The following FLG variants were observed in gnomAD, a reference collection of about 807,000 sequenced individuals.
FLG encodes filaggrin, also known as epidermal filaggrin.
In FLG, 6 loss-of-function variants were observed where a neutral mutation model predicts 3.8. That is an observed-to-expected ratio of 1.60 (90% confidence interval 0.87 to 3.15). The LOEUF is 3.15. Ranked by LOEUF, FLG falls within the 30% of genes most tolerant of loss-of-function variation. The pLI is 0.00. For missense variants in FLG, 7,595 were observed against 5,050.9 expected (o/e 1.50, Z -15.27); for synonymous variants, 2,551 against 1,931.6 (o/e 1.32, Z -8.41).
chr1:152,308,561 G>T lies in FLG; in HGVS notation c.6325C>A (p.Pro2109Thr), dbSNP rs538619112. Residue 2109 changes from proline to threonine, a missense_variant, in exon 3 of 3, where the codon CCC becomes ACC. By Grantham distance (38) the Pro-to-Thr change is conservative (BLOSUM62 -1). Coordinates refer to ENST00000368799, the MANE Select transcript of FLG (RefSeq NM_002016.2). ...QSESTHGQSA[P>T]STGGRQGSHY... ...GATCCTTGTCTTCCTCCAGTGCTGG[G>T]CGCAGACTGTCCATGGGTGGACTCA... 1.2e-6 allele frequency: 2 copies of T among 1,614,024 alleles called. No individual in the cohort carries two copies. Among genetic ancestry groups the T allele is most frequent in the Non-Finnish European group, 1.7e-6 (2 of 1,179,960 alleles).
At position 152,307,288 on chromosome 1, in the gene FLG, C is replaced by G; in HGVS notation, c.7598G>C (p.Arg2533Pro). The G allele has an allele frequency of 6.2e-7, 1 of 1,612,986 alleles. No individual in the cohort carries two copies. Among genetic ancestry groups the G allele is most frequent in the Non-Finnish European group, 8.5e-7 (1 of 1,179,866 alleles). Residue 2533 changes from arginine to proline, a missense_variant, in exon 3 of 3, where the codon CGT (arginine) becomes CCT (proline). Transcript: ENST00000368799. Reference protein sequence around the residue: ...SGDGSRHSGSRHHEASSRADS... With the variant: ...SGDGSRHSGSPHHEASSRADS... ...GGCCCGAGAGGAAGCTTCATGGTGA[C>G]GCGACCCTGAGTGCCTGGAGCCGTC...
chr1:152,304,145 G>T lies in FLG; in HGVS notation c.10741C>A (p.His3581Asn), dbSNP rs765491833. 6.2e-7 allele frequency: 1 copy of T among 1,601,072 alleles called. No individual in the cohort carries two copies. The highest frequency in any genetic ancestry group is 1.7e-5 in the Admixed American group (1 of 57,818). ...SRDGSRHPTS[H>N]HEDRAGHGHS... is the part of the protein sequence containing the mutation. ...CCGTGACCGGCTCTGTCTTCGTGATGGGACGTGGGGTGTCTGGAGCCATCT... is the reference window on the plus strand; with the variant it reads ...CCGTGACCGGCTCTGTCTTCGTGATTGGACGTGGGGTGTCTGGAGCCATCT... Residue 3581 changes from histidine to asparagine, a missense_variant, in exon 3 of 3, where the codon CAT becomes AAT. Physicochemically the swap from His to Asn is moderately conservative, Grantham distance 68. Coordinates refer to ENST00000368799, the MANE Select transcript of FLG (RefSeq NM_002016.2).
In FLG at chr1:152,314,423, T is replaced by C; in HGVS notation, c.463A>G (p.Ser155Gly). The change falls in exon 3 of 3, where the codon AGT (serine) becomes GGT (glycine). Residue 155 changes from serine to glycine, a missense_variant. Physicochemically the swap from Ser to Gly is moderately conservative, Grantham distance 56 (BLOSUM62 0). Coordinates refer to ENST00000368799, the MANE Select transcript of FLG (RefSeq NM_002016.2). ...RETGGKRHES[S>G]SEKKERKGYS... is the part of the protein sequence containing the mutation. ...CCTTTTCTTTCTTTTTTTTCAGAAC[T>C]AGATTCATGCCTTTTCCCCCCTGTT... is the stretch of plus-strand genomic sequence containing the variant. 1 of 1,613,624 alleles carries C rather than the reference T, an allele frequency of 6.2e-7. No homozygotes were observed. The highest frequency in any genetic ancestry group is 8.5e-7 in the Non-Finnish European group (1 of 1,179,888).
chr1:152,303,058 C>A lies in FLG; in HGVS notation c.11828G>T (p.Gly3943Val), dbSNP rs1193665636. Residue 3943 changes from glycine (G) to valine (V), a missense_variant, in exon 3 of 3, where the codon GGA (glycine) becomes GTA (valine). By Grantham distance (109) the Gly-to-Val change is moderately radical. Transcript: ENST00000368799. ...GTGAGGACTGCCACGTGACTGTATT[C>A]CTGAGTGATACGCAGAATCTTGTGA... Reference protein sequence around the residue: ...SLSQDSAYHSGIQSRGSPHSS... With the variant: ...SLSQDSAYHSVIQSRGSPHSS... 6.2e-7 allele frequency: 1 copy of A among 1,614,136 alleles called. No homozygotes were observed.
At position 152,312,213 on chromosome 1, in the gene FLG, A is replaced by T. The variant is rs1361972285; in HGVS notation, c.2673T>A (p.Ser891Arg). Reference protein sequence around the residue: ...DASRGQSGSRSASRTTRNEEQ... With the variant: ...DASRGQSGSRRASRTTRNEEQ... ...CCTCATTACGTGTTGTTCTGCTTGC[A>T]CTTCTGGATCCTGACTGCCCACGGG... Residue 891 changes from serine (S) to arginine (R), a missense_variant, in exon 3 of 3, where the codon AGT (serine) becomes AGA (arginine). Ser to Arg is a moderately radical substitution (Grantham distance 110). Transcript: ENST00000368799. The T allele has an allele frequency of 6.2e-7, 1 of 1,613,436 alleles. No homozygotes were observed.
chr1:152,309,644 G>A lies in FLG; in HGVS notation c.5242C>T (p.Gln1748Ter). 6.2e-7 allele frequency: 1 copy of A among 1,613,898 alleles called. No homozygotes were observed. The highest frequency in any genetic ancestry group is 8.5e-7 in the Non-Finnish European group (1 of 1,179,946). Residue 1748 changes from glutamine (Q) to a stop codon, truncating the protein, a stop_gained, in exon 3 of 3, where the codon CAA becomes TAA. Transcript: ENST00000368799. LOFTEE classifies it low-confidence loss of function (END_TRUNC). ...CCTGACTGGCCACGTGTGGACTCTT[G>A]GTGGCTCTGCTGATGGGGCCCAGCC... ...GQAGPHQQSH[Q>*]ESTRGQSGER...
In FLG at chr1:152,303,778, C is replaced by T; in HGVS notation, c.11108G>A (p.Arg3703Lys). ...QESTRGRSAGRSGRSGSFLYQ... is the reference protein window; with the variant it reads ...QESTRGRSAGKSGRSGSFLYQ... ...GAGGAAAGACCCTGAACGTCCAGAC[C>T]TTCCTGCTGACCGGCCACGTGTGGA... Residue 3703 changes from arginine (R) to lysine (K), a missense_variant, in exon 3 of 3, where the codon AGG (arginine) becomes AAG (lysine). Physicochemically the swap from Arg to Lys is conservative, Grantham distance 26 (BLOSUM62 2). Coordinates refer to ENST00000368799, the MANE Select transcript of FLG (RefSeq NM_002016.2). 3 of 1,613,582 alleles carry T rather than the reference C, an allele frequency of 1.9e-6. No homozygotes were observed. Among genetic ancestry groups the T allele is most frequent in the Non-Finnish European group, 2.5e-6 (3 of 1,179,912 alleles).
In FLG at chr1:152,306,028, C is replaced by G. The variant is rs749084383; in HGVS notation, c.8858G>C (p.Arg2953Pro). ...TCCACCAGAGGAAGTCTGTGTGTGA[C>G]GAGTGCCTGATTGTCTGGAGCTGTC... ...SADSSRQSGT[R>P]HTQTSSGGQA... The change falls in exon 3 of 3, where the codon CGT becomes CCT. Residue 2953 changes from arginine to proline, a missense_variant. By Grantham distance (103) the Arg-to-Pro change is moderately radical. Coordinates refer to ENST00000368799, the MANE Select transcript of FLG (RefSeq NM_002016.2). 277 of 1,590,060 alleles carry G rather than the reference C, an allele frequency of 1.7e-4. 1 individual carries two copies. The highest frequency in any genetic ancestry group is 2.3e-4 in the Non-Finnish European group (271 of 1,177,300).
rs758136784 is a variant in FLG, at chr1:152,312,776, C to A, written c.2110G>T (p.Ala704Ser). 5.6e-6 allele frequency: 9 copies of A among 1,613,940 alleles called. No individual in the cohort carries two copies. The highest frequency in any genetic ancestry group is 1.1e-5 in the South Asian group (1 of 91,056). The change falls in exon 3 of 3, where the codon GCA (alanine) becomes TCA (serine). Residue 704 changes from alanine (A) to serine (S), a missense_variant. Physicochemically the swap from Ala to Ser is moderately conservative, Grantham distance 99. Coordinates refer to ENST00000368799, the MANE Select transcript of FLG (RefSeq NM_002016.2). Reference sequence around the variant, plus strand: ...TGGCGGGATCCATGTCTTTCTCCTGCACTTGATCTTGCCTGTTCATGGGAT... The same window carrying A: ...TGGCGGGATCCATGTCTTTCTCCTGAACTTGATCTTGCCTGTTCATGGGAT... ...ASSHEQARSS[A>S]GERHGSRHQL...
chr1:152,316,451 GA>G (rs1274251123), intron 1 of FLG, among the ~76,000 whole-genome samples: 1 of 151,678 alleles, frequency 6.6e-6, no homozygotes, highest in Non-Finnish European at 1.5e-5. Flanking sequence ...AAGAAGCATA[GA>G]AAAAGAAGGG....
Position 152,310,813 on chromosome 1 carries a change from C to G in FLG, c.4073G>C (p.Gly1358Ala). The stretch of plus-strand genomic sequence containing the variant: ...GTCTGCTGACTGCTGGTGGCGGGAT[C>G]CATGTCTTTCTCCTGGACTTGATCT... ...QARSSPGERH[G>A]SRHQQSADSS... The change falls in exon 3 of 3, where the codon GGA becomes GCA. Residue 1358 changes from glycine to alanine, a missense_variant. Physicochemically the swap from Gly to Ala is moderately conservative, Grantham distance 60 (BLOSUM62 0). Coordinates refer to ENST00000368799, the MANE Select transcript of FLG (RefSeq NM_002016.2). 1 of 1,611,988 alleles carries G rather than the reference C, an allele frequency of 6.2e-7. No homozygotes were observed. The highest frequency in any genetic ancestry group is 8.5e-7 in the Non-Finnish European group (1 of 1,179,144).
rs1265146348 is a variant in FLG at position 152,311,807 on chromosome 1, A to T, written c.3079T>A (p.Ser1027Thr). 2.5e-5 allele frequency: 40 copies of T among 1,613,666 alleles called. No homozygotes were observed. Among genetic ancestry groups the T allele is most frequent in the Middle Eastern group, 1.6e-4 (1 of 6,084 alleles). Residue 1027 changes from serine (S) to threonine (T), a missense_variant, in exon 3 of 3, where the codon TCA becomes ACA. Ser to Thr is a moderately conservative substitution (Grantham distance 58, BLOSUM62 1). Coordinates refer to ENST00000368799, the MANE Select transcript of FLG (RefSeq NM_002016.2). The part of the protein sequence containing the change: ...QAASSHEQAR[S>T]SPGERHGSRH... ...GATCCGTGTCTTTCTCCTGGACTTGATCTTGCCTGTTCATGGGATGACGCA... is the reference window on the plus strand; with the variant it reads ...GATCCGTGTCTTTCTCCTGGACTTGTTCTTGCCTGTTCATGGGATGACGCA...
At position 152,309,348 on chromosome 1, in the gene FLG, G is replaced by T; in HGVS notation, c.5538C>A (p.Thr1846=). 1 of 1,613,824 alleles carries T rather than the reference G, an allele frequency of 6.2e-7. No individual in the cohort carries two copies. Among genetic ancestry groups the T allele is most frequent in the South Asian group, 1.1e-5 (1 of 91,060 alleles). The part of the protein sequence containing the change: ...SGHSGSHHSH[T]TSQERSDVSR... The stretch of plus-strand genomic sequence containing the variant: ...AGACATCAGACCTTTCCTGGGACGT[G>T]GTGTGGCTGTGATGAGACCCTGAGT... Residue 1846 remains threonine, a synonymous_variant, in exon 3 of 3, where the codon ACC becomes ACA. Transcript: ENST00000368799.
chr1:152,316,027 A>G (rs1486038699), intron 1 of FLG, among the ~76,000 whole-genome samples: 2 of 152,140 alleles, frequency 1.3e-5, no homozygotes, highest in Non-Finnish European at 2.9e-5. Context: ...TAGCTCTTCA[A>G]TATTTAAAGA....
At position 152,315,255 on chromosome 1, in the gene FLG, C is replaced by G. The variant is rs1009568045; in HGVS notation, c.138+64G>C. On this transcript the variant is annotated intron_variant, in intron 2 of 2. Transcript: ENST00000368799. ...TAGTTCACAAAGAGCTCAAAATAAC[C>G]CTTGCTTAGATTATTGATGAGAAAA... 7.5e-6 allele frequency: 11 copies of G among 1,470,322 alleles called. No individual in the cohort carries two copies. In the African/African-American group the frequency reaches 9.9e-5, roughly 13 times the overall value. The allele number at this position is 1,470,322 out of a possible 1,614,324, so 91.1% of individuals were successfully genotyped here.
chr1:152,311,214 T>C lies in FLG; in HGVS notation c.3672A>G (p.Lys1224=). The change falls in exon 3 of 3, where the codon AAA becomes AAG. Residue 1224 remains lysine (K), a synonymous_variant. Transcript: ENST00000368799. ...RSASRQTRKD[K]QSGDGSRHSG... ...AGTGCCTGGAGCCGTCTCCTGATTG[T>C]TTGTCCTTACGAGTTTGTCTGCTTG... 2 of 1,613,066 alleles carry C rather than the reference T, an allele frequency of 1.2e-6. No homozygotes were observed. The highest frequency in any genetic ancestry group is 1.7e-6 in the Non-Finnish European group (2 of 1,179,766).
chr1:152,307,906 C>G lies in FLG; in HGVS notation c.6980G>C (p.Gly2327Ala), dbSNP rs766196720. ...SSHEQARSSA[G>A]ERHGSHHQQS... Reference sequence around the variant, plus strand: ...CTGGTGGTGGGATCCGTGTCTCTCTCCTGCACTTGATCTTGCCTGTTCATG... The same window carrying G: ...CTGGTGGTGGGATCCGTGTCTCTCTGCTGCACTTGATCTTGCCTGTTCATG... The change falls in exon 3 of 3, where the codon GGA (glycine) becomes GCA (alanine). Residue 2327 changes from glycine to alanine, a missense_variant. Gly to Ala is a moderately conservative substitution (Grantham distance 60, BLOSUM62 0). Transcript: ENST00000368799. The G allele has an allele frequency of 1.2e-6, 2 of 1,613,492 alleles. No individual in the cohort carries two copies. The highest frequency in any genetic ancestry group is 2.2e-5 in the South Asian group (2 of 91,002).
In FLG at chr1:152,310,523, G is replaced by T. The variant is rs202237346; in HGVS notation, c.4363C>A (p.His1455Asn). 3 of 1,613,854 alleles carry T rather than the reference G, an allele frequency of 1.9e-6. No individual in the cohort carries two copies. Among genetic ancestry groups the T allele is most frequent in the African/African-American group, 1.3e-5 (1 of 74,966 alleles). The change falls in exon 3 of 3, where the codon CAC becomes AAC. Residue 1455 changes from histidine (H) to asparagine (N), a missense_variant. Transcript: ENST00000368799. The stretch of plus-strand genomic sequence containing the variant: ...CCAGTGCTGGGTGCAGTCTGTCCGT[G>T]TGTGGACTCAGACTGTTCATGAGAG... ...VSSHEQSESTHGQTAPSTGGR... is the reference protein window; with the variant it reads ...VSSHEQSESTNGQTAPSTGGR...
At position 152,313,865 on chromosome 1, in the gene FLG, C is replaced by T. The variant is rs1284414197; in HGVS notation, c.1021G>A (p.Glu341Lys). 1.9e-6 allele frequency: 3 copies of T among 1,613,908 alleles called. No homozygotes were observed. The highest frequency in any genetic ancestry group is 2.5e-6 in the Non-Finnish European group (3 of 1,179,960). Residue 341 changes from glutamate to lysine, a missense_variant, in exon 3 of 3, where the codon GAA becomes AAA. Glu to Lys is a moderately conservative substitution (Grantham distance 56). Coordinates refer to ENST00000368799, the MANE Select transcript of FLG (RefSeq NM_002016.2). Reference sequence around the variant, plus strand: ...GAGTGCCCATGACTGGCTCTGTCTTCATCATGGGACCTGGGGTGTCTGGAG... The same window carrying T: ...GAGTGCCCATGACTGGCTCTGTCTTTATCATGGGACCTGGGGTGTCTGGAG... ...DGSRHPRSHD[E>K]DRASHGHSAD...
Sources: allele counts gnomAD v4.1 joint callset (sites outside exome capture counted in the v4.1 genomes callset), GRCh38; gene constraint gnomAD v4.1.1; transcripts MANE v1.5; gene names NCBI Gene and HGNC (gene_info 2026-07-23, HGNC 2026-07-21).